The following ACAT1 variants were observed in gnomAD, a reference collection of about 807,000 sequenced individuals.
ACAT1 encodes the protein acetyl-CoA acetyltransferase 1.
In ACAT1, 28 loss-of-function variants were observed where a neutral mutation model predicts 47.3. That is an observed-to-expected ratio of 0.59 (90% CI 0.44 to 0.81). The LOEUF is 0.81. ACAT1 is among the 30% of genes least tolerant of loss of function. The probability of loss-of-function intolerance (pLI) is 0.00; values close to 1 mark genes in which losing one functional copy is unlikely to be tolerated. For synonymous variants in ACAT1, 181 were observed against 173.6 expected, an observed-to-expected ratio of 1.04 and a Z score of -0.34; for missense variants, 469 against 524.3, an observed-to-expected ratio of 0.89 and a Z score of 1.03.
Position 108,147,505 on chromosome 11 carries a change from T to G in ACAT1, c.*115T>G. On this transcript the variant is annotated 3_prime_UTR_variant, in exon 12 of 12. Transcript: ENST00000265838. Reference sequence around the variant, plus strand: ...TAAGCTGTTTCATTTTTTATTATTTTCTATGTTAACTTTTAAAAATCAAAA... The same window carrying G: ...TAAGCTGTTTCATTTTTTATTATTTGCTATGTTAACTTTTAAAAATCAAAA... 1.5e-6 allele frequency: 2 copies of G among 1,345,178 alleles called. No homozygotes were observed. The highest frequency in any genetic ancestry group is 3.9e-5 in the Admixed American group (2 of 50,998). 83.3% of individuals were successfully genotyped at this position (1,345,178 alleles called of 1,614,324 possible). A position where few individuals can be genotyped will look rare whatever the true frequency, so the allele number is the denominator to read the frequency against.
chr11:108,147,100 G>GAA (rs1167551382), intron 11 of ACAT1, among the ~76,000 whole-genome samples, 170 bp from the exon 12 acceptor site: 3 of 152,106 alleles, frequency 2.0e-5, no homozygotes, highest in African/African-American at 7.2e-5. Context: ...TAAGATCTGT[G>GAA]ACCCTTCCTG....
intron 11 of ACAT1, among the ~76,000 whole-genome samples, chr11:108,146,585 T>C (rs2077714474): frequency 6.6e-6 from 1 of 152,206 alleles, no homozygotes; most frequent in Non-Finnish European, 1.5e-5. Flanking sequence ...AAAGTGTACA[T>C]TTAGACTTTT....
intron 10 of ACAT1, among the ~76,000 whole-genome samples, chr11:108,144,454 T>C (rs2077660370): frequency 2.6e-5 from 4 of 152,024 alleles, no homozygotes; most frequent in South Asian, 2.1e-4. Context: ...TCAGAGTAAA[T>C]AGTAAAACTA....
chr11:108,125,314 A>C (rs1487396838), intron 1 of ACAT1, among the ~76,000 whole-genome samples: 1 of 152,178 alleles, frequency 6.6e-6, no homozygotes, highest in Non-Finnish European at 1.5e-5. Context: ...TTCATTCAGC[A>C]TGTATTATTA....
At chr11:108,134,050 T>A in intron 3 of ACAT1, 113 bp downstream of exon 3, 1 of 1,186,724 alleles carries the variant, frequency 8.4e-7, no homozygotes, top group Non-Finnish European at 1.2e-6. Flanking sequence ...ATGCCTACAT[T>A]TCTGCTTTCC....
rs556629486 is a variant in ACAT1, at chr11:108,121,588, T to A, written c.-19T>A. 13 of 1,549,904 alleles carry A rather than the reference T, an allele frequency of 8.4e-6. No homozygotes were observed. The highest frequency in any genetic ancestry group is 2.4e-5 in the South Asian group (2 of 84,050). ...CGCTAGTCTACGCCTGTGGAGCCGA[T>A]ACTCAGCCCTCTGCGACCATGGCTG... On this transcript the variant is annotated 5_prime_UTR_variant, in exon 1 of 12. Transcript: ENST00000265838.
In ACAT1 at chr11:108,143,968, C is replaced by G. The variant is rs759374737; in HGVS notation, c.941-15C>G. 43 of 858,852 alleles carry G rather than the reference C, an allele frequency of 5.0e-5. No homozygotes were observed. The highest frequency in any genetic ancestry group is 4.2e-4 in the East Asian group (9 of 21,682). The allele number at this position is 858,852 out of a possible 1,614,324, so 53.2% of individuals were successfully genotyped here. A position where few individuals can be genotyped will look rare whatever the true frequency, so the allele number is the denominator to read the frequency against. ...AAAAGATTTTAACAACCCCCCCCCCCCTTTTTTTAAACAGCATTTGCTGAC... is the reference window on the plus strand; with the variant it reads ...AAAAGATTTTAACAACCCCCCCCCCGCTTTTTTTAAACAGCATTTGCTGAC... On this transcript the variant is annotated splice_polypyrimidine_tract_variant and intron_variant, in intron 9 of 11. Coordinates refer to ENST00000265838, the MANE Select transcript of ACAT1 (RefSeq NM_000019.4).
Position 108,121,640 on chromosome 11 carries a change from G to A in ACAT1, c.34G>A (p.Ala12Thr), listed in dbSNP as rs764674778. 2.3e-5 allele frequency: 36 copies of A among 1,550,422 alleles called. No individual in the cohort carries two copies. The highest frequency in any genetic ancestry group is 9.8e-5 in the Admixed American group (5 of 51,166). Residue 12 changes from alanine (A) to threonine (T), a missense_variant, in exon 1 of 12, where the codon GCC becomes ACC. Coordinates refer to ENST00000265838, the MANE Select transcript of ACAT1 (RefSeq NM_000019.4). ...GCTGGCGGCACTTCTGCGCAGCGGCGCCCGCAGCCGCAGCCCCCTGCTCCG... is the reference window on the plus strand; with the variant it reads ...GCTGGCGGCACTTCTGCGCAGCGGCACCCGCAGCCGCAGCCCCCTGCTCCG... The part of the protein sequence containing the change: ...AVLAALLRSG[A>T]RSRSPLLRRL...
chr11:108,137,480 A>AT (rs2077490055), intron 5 of ACAT1, among the ~76,000 whole-genome samples: 1 of 152,360 alleles, frequency 6.6e-6, no homozygotes, highest in East Asian at 1.9e-4. Flanking sequence ...GCTTTGGTGG[A>AT]AAGGCTGCAT....
chr11:108,141,822 G>A, intron 8 of ACAT1, 122 bp downstream of exon 8: 3 of 710,454 alleles, frequency 4.2e-6, no homozygotes, highest in Non-Finnish European at 4.9e-6. Flanking sequence ...AACATTTTCA[G>A]TATATCAGGC....
chr11:108,132,322 T>C (rs958684260), intron 2 of ACAT1, among the ~76,000 whole-genome samples: 1 of 152,138 alleles, frequency 6.6e-6, no homozygotes, highest in East Asian at 1.9e-4. Context: ...AGGAGGGCCA[T>C]TACAGCATCT....
Position 108,141,893 on chromosome 11 carries a change from A to G in ACAT1, c.826+193A>G, listed in dbSNP as rs139718250. Among the ~76,000 whole-genome samples, 28 of 152,342 alleles carry G rather than the reference A, an allele frequency of 1.8e-4. No homozygotes were observed. The East Asian group carries it at 5.4e-3, about 29-fold the overall frequency. On this transcript the variant is annotated intron_variant, in intron 8 of 11. Coordinates refer to ENST00000265838, the MANE Select transcript of ACAT1 (RefSeq NM_000019.4). ...TATATAAATCCCAGGGAAGATATGT[A>G]TAACATGACTATAGAATTCAGTTTT...
At chr11:108,122,338 C>A (rs1308493639) in intron 1 of ACAT1, among the ~76,000 whole-genome samples, 1 of 152,246 alleles carries the variant, frequency 6.6e-6, no homozygotes, top group African/African-American at 2.4e-5. Flanking sequence ...AGAATTTATT[C>A]TCCACATGCG....
intron 1 of ACAT1, among the ~76,000 whole-genome samples, chr11:108,128,407 G>A (rs1047606649): frequency 6.6e-6 from 1 of 152,134 alleles, no homozygotes; most frequent in Non-Finnish European, 1.5e-5. Flanking sequence ...CCTGGCCAAC[G>A]TGGTGAAACC....
intron 1 of ACAT1, among the ~76,000 whole-genome samples, chr11:108,130,858 T>G (rs1279305307): frequency 6.6e-6 from 1 of 152,226 alleles, no homozygotes; most frequent in African/African-American, 2.4e-5. Context: ...CAAGCAATTC[T>G]TCTGCCTCAT....
chr11:108,145,430 C>T (rs540440505), intron 10 of ACAT1, among the ~76,000 whole-genome samples: 227 of 152,238 alleles, frequency 1.5e-3, no homozygotes, highest in Non-Finnish European at 2.4e-3. Context: ...GTAATCCCAG[C>T]GCTTTGGGAG....
intron 7 of ACAT1, 39 bp from the exon 8 acceptor site, chr11:108,141,566 T>G (rs1226291210): frequency 6.6e-7 from 1 of 1,520,528 alleles, no homozygotes; most frequent in African/African-American, 1.4e-5. Flanking sequence ...GAATGACTAC[T>G]TGTTTTGAGC....
Position 108,140,099 on chromosome 11 carries a change from A to G in ACAT1, c.614A>G (p.Asn205Ser). 2 of 1,614,156 alleles carry G rather than the reference A, an allele frequency of 1.2e-6. No individual in the cohort carries two copies. The highest frequency in any genetic ancestry group is 1.7e-6 in the Non-Finnish European group (2 of 1,179,982). The change falls in exon 7 of 12, where the codon AAT (asparagine) becomes AGT (serine). Residue 205 changes from asparagine (N) to serine (S), a missense_variant. Asn to Ser is a conservative substitution (Grantham distance 46, BLOSUM62 1). Coordinates refer to ENST00000265838, the MANE Select transcript of ACAT1 (RefSeq NM_000019.4). Reference sequence around the variant, plus strand: ...GCTGAGAATACAGCAAAGAAGCTGAATATTGCACGAAATGAACAGGACGCT... The same window carrying G: ...GCTGAGAATACAGCAAAGAAGCTGAGTATTGCACGAAATGAACAGGACGCT... ...SCAENTAKKL[N>S]IARNEQDAYA...
At chr11:108,134,361 G>A in intron 4 of ACAT1, 45 bp downstream of exon 4, 1 of 1,506,438 alleles carries the variant, frequency 6.6e-7, no homozygotes. Context: ...ATGTGTAAAA[G>A]GGGCCGGGTG....
Sources: gnomAD v4.1 joint callset for allele counts (sites outside exome capture counted in the v4.1 genomes callset) on GRCh38, gnomAD v4.1.1 for gene constraint, MANE v1.5 for transcripts, NCBI Gene and HGNC (gene_info 2026-07-23, HGNC 2026-07-21) for gene names.